Variants in SKI observed in about 807,000 individuals in gnomAD.
SKI encodes the protein SKI proto-oncogene.
SKI carries 23 observed loss-of-function variants against 59.3 expected under a neutral mutation model. The observed-to-expected ratio is 0.39, with a 90% CI of 0.28 to 0.55. The LOEUF (loss-of-function observed/expected upper bound fraction) is 0.55. SKI is among the 20% of genes least tolerant of loss of function. SKI has a pLI of 0.67. For missense variants in SKI, 1,017 were observed against 1,038.9 expected (o/e 0.98, Z 0.29); for synonymous variants, 673 against 488.6 (o/e 1.38, Z -4.98).
At chr1:2,294,418 C>T (rs967258807) in intron 1 of SKI, among the ~76,000 whole-genome samples, 6 of 152,264 alleles carry the variant, frequency 3.9e-5, no homozygotes, top group African/African-American at 9.6e-5. Flanking sequence ...TCCAGAGCCC[C>T]GACTCCCGCT....
At chr1:2,233,826 A>G (rs1638695756) in intron 1 of SKI, among the ~76,000 whole-genome samples, 1 of 152,068 alleles carries the variant, frequency 6.6e-6, no homozygotes, top group Non-Finnish European at 1.5e-5. Context: ...AGCTGAAATG[A>G]TCACAGGAAG....
intron 1 of SKI, among the ~76,000 whole-genome samples, chr1:2,249,487 C>T (rs967076678): frequency 5.9e-5 from 9 of 152,226 alleles, no homozygotes; most frequent in South Asian, 2.1e-4. Context: ...TTGGTGGTCC[C>T]GGGTGGCCGG....
intron 1 of SKI, among the ~76,000 whole-genome samples, chr1:2,250,024 C>G (rs1041588044): frequency 6.6e-6 from 1 of 152,148 alleles, no homozygotes; most frequent in Non-Finnish European, 1.5e-5. Flanking sequence ...CCTGCCTCAG[C>G]CTCCCGAATA....
chr1:2,299,982 C>T (rs912646936), intron 1 of SKI, among the ~76,000 whole-genome samples: 3 of 152,314 alleles, frequency 2.0e-5, no homozygotes, highest in East Asian at 3.9e-4. Context: ...TTTGGGCCAC[C>T]GCCTCTGCAT....
At chr1:2,285,725 A>G (rs1640025755) in intron 1 of SKI, among the ~76,000 whole-genome samples, 1 of 149,958 alleles carries the variant, frequency 6.7e-6, no homozygotes, top group South Asian at 2.1e-4. Context: ...CACCATGCCC[A>G]GCCAATTTTT....
chr1:2,304,696 C>T, intron 5 of SKI, 111 bp downstream of exon 5: 2 of 1,438,566 alleles, frequency 1.4e-6, no homozygotes, highest in Non-Finnish European at 1.8e-6. Flanking sequence ...GCCCCATGCG[C>T]TCCTCTCTGC....
chr1:2,301,479 C>G (rs1640424979), intron 1 of SKI, among the ~76,000 whole-genome samples: 1 of 151,944 alleles, frequency 6.6e-6, no homozygotes, highest in Non-Finnish European at 1.5e-5. Context: ...CTCCCCTGGC[C>G]CCACCCTGCT....
intron 1 of SKI, among the ~76,000 whole-genome samples, chr1:2,279,167 C>G (rs1009145348): frequency 5.9e-5 from 9 of 152,194 alleles, no homozygotes; most frequent in African/African-American, 2.2e-4. Flanking sequence ...ACTCTCAGGG[C>G]GCAGTCAGTT....
intron 1 of SKI, among the ~76,000 whole-genome samples, chr1:2,257,260 G>C (rs1019608362): frequency 6.6e-6 from 1 of 152,222 alleles, no homozygotes; most frequent in South Asian, 2.1e-4. Flanking sequence ...GTTGGTTTCA[G>C]ACCTCGGCTT....
chr1:2,287,827 CCAGTGTGT>C (rs1409079893), intron 1 of SKI, among the ~76,000 whole-genome samples: 3 of 152,194 alleles, frequency 2.0e-5, no homozygotes. Context: ...TCTGGGGTCT[CCAGTGTGT>C]CCCCGATGGA....
At chr1:2,285,870 G>GTT (rs77227502) in intron 1 of SKI, among the ~76,000 whole-genome samples, 7,743 of 102,746 alleles carry the variant, frequency 0.075, 355 homozygotes, top group South Asian at 0.13. Flanking sequence ...CAGCCAGAAG[G>GTT]TTTTTTTTTT....
chr1:2,275,044 C>T (rs960594634), intron 1 of SKI, among the ~76,000 whole-genome samples: 3 of 152,296 alleles, frequency 2.0e-5, no homozygotes, highest in East Asian at 1.9e-4. Context: ...CAAGCTGAAG[C>T]GGCCTCACAG....
At chr1:2,262,343 C>T (rs1206035797) in intron 1 of SKI, among the ~76,000 whole-genome samples, 1 of 145,138 alleles carries the variant, frequency 6.9e-6, no homozygotes, top group African/African-American at 2.6e-5. Context: ...ATCTGGAAGG[C>T]GTGGAATCAG....
intron 1 of SKI, chr1:2,248,090 C>G (rs1639039189): frequency 6.6e-6 from 1 of 152,346 alleles, no homozygotes; most frequent in East Asian, 1.9e-4. Flanking sequence ...GCGGAAGGAC[C>G]CTGGTGCTTT....
At chr1:2,304,154 A>G in intron 4 of SKI, 52 bp downstream of exon 4, 1 of 1,605,452 alleles carries the variant, frequency 6.2e-7, no homozygotes, top group Non-Finnish European at 8.5e-7. Flanking sequence ...TGGGGGTGGC[A>G]CTGGCTGAGG....
chr1:2,235,805 C>T (rs944933666), intron 1 of SKI, among the ~76,000 whole-genome samples: 1 of 152,232 alleles, frequency 6.6e-6, no homozygotes, highest in East Asian at 1.9e-4. Flanking sequence ...TGAGCACCTG[C>T]GTTGGCCATG....
intron 1 of SKI, among the ~76,000 whole-genome samples, chr1:2,230,625 G>C (rs554247663): frequency 6.6e-6 from 1 of 152,176 alleles, no homozygotes; most frequent in Admixed American, 6.5e-5. Flanking sequence ...TATGGGATCC[G>C]GCATGGGCAG....
At chr1:2,264,749 C>T (rs1199515995) in intron 1 of SKI, among the ~76,000 whole-genome samples, 3 of 152,070 alleles carry the variant, frequency 2.0e-5, no homozygotes, top group South Asian at 2.1e-4. Context: ...TTCCTGCATG[C>T]GTGCTTCCAG....
At chr1:2,246,862 C>G (rs201168327) in intron 1 of SKI, among the ~76,000 whole-genome samples, 1 of 148,828 alleles carries the variant, frequency 6.7e-6, no homozygotes, top group South Asian at 2.1e-4. Flanking sequence ...ATGGGGGGGG[C>G]CTCAGGAACC....
Sources: gnomAD v4.1 joint callset for allele counts (sites outside exome capture counted in the v4.1 genomes callset) on GRCh38, gnomAD v4.1.1 for gene constraint, MANE v1.5 for transcripts, NCBI Gene and HGNC (gene_info 2026-07-23, HGNC 2026-07-21) for gene names.